Variants in DNAJC18 observed in about 807,000 individuals in gnomAD.
DNAJC18 encodes DnaJ heat shock protein family (Hsp40) member C18, also known as dnaJ homolog subfamily C member 18.
In DNAJC18, 40 loss-of-function variants were observed where a neutral mutation model predicts 48.6. That is an observed-to-expected ratio of 0.82 (90% CI 0.64 to 1.07). The LOEUF (loss-of-function observed/expected upper bound fraction) is 1.07. Ranked by LOEUF, DNAJC18 falls within the 50% of genes least tolerant of loss-of-function variation. The pLI, the probability that DNAJC18 is intolerant of heterozygous loss-of-function variation, is 0.00. For missense variants in DNAJC18, 340 were observed against 427.7 expected (o/e 0.79, Z 1.81); for synonymous variants, 135 against 152.2 (o/e 0.89, Z 0.83).
chr5:139,432,684 C>T (rs1189707508), intron 2 of DNAJC18, among the ~76,000 whole-genome samples: 1 of 152,182 alleles, frequency 6.6e-6, no homozygotes, highest in African/African-American at 2.4e-5. Flanking sequence ...TACTTCCTGA[C>T]TTCACGAAGA....
intron 6 of DNAJC18, among the ~76,000 whole-genome samples, chr5:139,421,937 T>G (rs1172184931): frequency 2.0e-5 from 3 of 150,724 alleles, no homozygotes; most frequent in Admixed American, 2.0e-4. Flanking sequence ...TTTTAAAAGG[T>G]TTTTTTCCCA....
At chr5:139,430,182 T>G (rs1186244211) in intron 2 of DNAJC18, among the ~76,000 whole-genome samples, 2 of 152,116 alleles carry the variant, frequency 1.3e-5, no homozygotes, top group Non-Finnish European at 2.9e-5. Flanking sequence ...ATACCAGAAA[T>G]GAAAACAAAA....
Position 139,439,463 on chromosome 5 carries a change from A to C in DNAJC18, c.-18T>G. On this transcript the variant is annotated 5_prime_UTR_variant, in exon 1 of 8. Coordinates refer to ENST00000302060, the MANE Select transcript of DNAJC18 (RefSeq NM_152686.4). The surrounding 1 kb of genome is among the most constrained non-coding windows in gnomAD (Gnocchi z 4.1). ...GCCGCCATATCGGTTCCCAATCAGC[A>C]GGTCCGCCGAGCCTCCCCCGTGCCC... 3.7e-6 allele frequency: 6 copies of C among 1,613,826 alleles called. No homozygotes were observed. The highest frequency in any genetic ancestry group is 5.1e-6 in the Non-Finnish European group (6 of 1,179,934).
At chr5:139,436,555 G>A (rs1283951662) in intron 2 of DNAJC18, among the ~76,000 whole-genome samples, 1 of 105,180 alleles carries the variant, frequency 9.5e-6, no homozygotes, top group Non-Finnish European at 1.8e-5. Context: ...ACAGGGTCTT[G>A]CTCTGCTGTG....
At position 139,439,326 on chromosome 5, in the gene DNAJC18, C is replaced by A; in HGVS notation, c.40+80G>T. 6.2e-7 allele frequency: 1 copy of A among 1,604,786 alleles called. No individual in the cohort carries two copies. The highest frequency in any genetic ancestry group is 2.2e-5 in the East Asian group (1 of 44,726). ...CATCACCTCAGACCCAGGATCTCAG[C>A]CCTTGTGCGTCTTCAGGATCCTCAT... On this transcript the variant is annotated intron_variant, in intron 1 of 7. Transcript: ENST00000302060. The surrounding 1 kb of genome is among the most constrained non-coding windows in gnomAD (Gnocchi z 4.1).
At chr5:139,420,558 G>A (rs1759137106) in intron 6 of DNAJC18, among the ~76,000 whole-genome samples, 1 of 146,480 alleles carries the variant, frequency 6.8e-6, no homozygotes, top group Admixed American at 7.0e-5. Context: ...ATCTAGTATG[G>A]TACCTGACAG....
rs564611783 is a variant in DNAJC18, at chr5:139,411,774, C to G, written c.*2374G>C. On this transcript the variant is annotated 3_prime_UTR_variant, in exon 8 of 8. Coordinates refer to ENST00000302060, the MANE Select transcript of DNAJC18 (RefSeq NM_152686.4). Reference sequence around the variant, plus strand: ...TTTAGTATCATCACAGATTACTTATCGCTGCCATGAAGTCCATAAAATGTG... The same window carrying G: ...TTTAGTATCATCACAGATTACTTATGGCTGCCATGAAGTCCATAAAATGTG... The G allele has an allele frequency of 6.6e-6, 1 of 152,200 alleles. No homozygotes were observed. Among genetic ancestry groups the G allele is most frequent in the Non-Finnish European group, 1.5e-5 (1 of 68,040 alleles). The allele number at this position is 152,200 out of a possible 1,614,324, so 9.4% of individuals were successfully genotyped here. A position where few individuals can be genotyped will look rare whatever the true frequency, so the allele number is the denominator to read the frequency against.
chr5:139,420,032 G>A, intron 7 of DNAJC18, 21 bp downstream of exon 7: 2 of 1,527,592 alleles, frequency 1.3e-6, no homozygotes, highest in Non-Finnish European at 1.8e-6. Flanking sequence ...ACCAGCTAAT[G>A]CCCCTTTTAC....
At chr5:139,419,787 A>G (rs1386970467) in intron 7 of DNAJC18, among the ~76,000 whole-genome samples, 2 of 152,218 alleles carry the variant, frequency 1.3e-5, no homozygotes, top group Non-Finnish European at 2.9e-5. Flanking sequence ...ATTGGCAGAG[A>G]GAGGTAGAGA....
chr5:139,422,960 C>T (rs1411976486), intron 5 of DNAJC18, 143 bp from the exon 6 acceptor site: 9 of 456,958 alleles, frequency 2.0e-5, no homozygotes, highest in Non-Finnish European at 3.4e-5. Flanking sequence ...CTCAGCCTCC[C>T]GAGTAGCTGG....
chr5:139,425,824 C>G (rs1230456858), intron 4 of DNAJC18, among the ~76,000 whole-genome samples: 1 of 152,184 alleles, frequency 6.6e-6, no homozygotes, highest in Non-Finnish European at 1.5e-5. Flanking sequence ...GGGTACTTTC[C>G]TATCTTCTAT....
At chr5:139,436,773 T>A (rs1750670820) in intron 2 of DNAJC18, among the ~76,000 whole-genome samples, 3 of 152,036 alleles carry the variant, frequency 2.0e-5, no homozygotes, top group Admixed American at 1.3e-4. Flanking sequence ...GAGTCTTTTT[T>A]AAAAAAATAA....
chr5:139,427,117 A>G (rs930939612), intron 3 of DNAJC18, among the ~76,000 whole-genome samples: 74 of 152,334 alleles, frequency 4.9e-4, no homozygotes, highest in African/African-American at 1.8e-3. Context: ...AAATTTCCTG[A>G]ATTCTCTTCT....
chr5:139,418,964 G>A (rs1411427999), intron 7 of DNAJC18: 87 of 426,246 alleles, frequency 2.0e-4, no homozygotes, highest in Non-Finnish European at 3.1e-4. Flanking sequence ...TGAACAAAGT[G>A]CTTTAAGAAC....
chr5:139,433,796 GATAAA>G (rs1362198130), intron 2 of DNAJC18, among the ~76,000 whole-genome samples: 1 of 152,202 alleles, frequency 6.6e-6, no homozygotes, highest in Admixed American at 6.5e-5. Flanking sequence ...GATAGTAAAT[GATAAA>G]ATAGACTAGA....
chr5:139,433,938 C>G (rs969213279), intron 2 of DNAJC18, among the ~76,000 whole-genome samples: 4 of 152,190 alleles, frequency 2.6e-5, no homozygotes, highest in Non-Finnish European at 1.5e-5. Context: ...GTTGCCCAGG[C>G]TGGAGTGCAA....
chr5:139,424,938 C>G, intron 5 of DNAJC18, 67 bp downstream of exon 5: 1 of 1,326,692 alleles, frequency 7.5e-7, no homozygotes, highest in Non-Finnish European at 1.1e-6. Context: ...AAAACTTGAC[C>G]ATGTACCATC....
At chr5:139,438,047 T>A (rs1390128087) in intron 1 of DNAJC18, among the ~76,000 whole-genome samples, 1 of 152,210 alleles carries the variant, frequency 6.6e-6, no homozygotes, top group African/African-American at 2.4e-5. Flanking sequence ...CCGGGCGCGG[T>A]GGCTCACGCC....
intron 2 of DNAJC18, among the ~76,000 whole-genome samples, chr5:139,433,379 G>T (rs113183708): frequency 6.6e-6 from 1 of 151,824 alleles, no homozygotes; most frequent in Non-Finnish European, 1.5e-5. Context: ...GGGAGGTGGA[G>T]GTTGCAGTGA....
Sources: gnomAD v4.1 joint callset for allele counts (sites outside exome capture counted in the v4.1 genomes callset) on GRCh38, gnomAD v4.1.1 for gene constraint, Gnocchi (gnomAD v3.1) non-coding constraint, MANE v1.5 for transcripts, NCBI Gene and HGNC (gene_info 2026-07-23, HGNC 2026-07-21) for gene names.